Variants in MATN2 observed in about 807,000 individuals in gnomAD.
The protein encoded by MATN2 is matrilin 2, also known as matrilin-2.
Under a neutral mutation model 103.2 loss-of-function variants are expected in MATN2, and 69 were observed. The observed-to-expected ratio is 0.67, with a 90% CI of 0.55 to 0.82. The LOEUF (loss-of-function observed/expected upper bound fraction) is 0.82, where lower values mean the gene tolerates loss of function less well. Ranked by LOEUF, MATN2 falls within the 40% of genes least tolerant of loss-of-function variation. The pLI, the probability that MATN2 is intolerant of heterozygous loss-of-function variation, is 0.00. For missense variants in MATN2, 1,023 were observed against 1,211.5 expected (o/e 0.84, Z 2.31); for synonymous variants, 429 against 450.2 (o/e 0.95, Z 0.60).
chr8:98,014,109 A>G (rs1813276682), intron 10 of MATN2, among the ~76,000 whole-genome samples: 1 of 152,134 alleles, frequency 6.6e-6, no homozygotes, highest in Non-Finnish European at 1.5e-5. Flanking sequence ...CTGTGTCTCA[A>G]AAAAAAGAAA....
At position 97,885,918 on chromosome 8, in the gene MATN2, C is replaced by A. The variant is rs1485251885; in HGVS notation, c.-26-2157C>A. Among the ~76,000 whole-genome samples, 7 of 152,334 alleles carry A rather than the reference C, an allele frequency of 4.6e-5. No individual in the cohort carries two copies. The East Asian group carries it at 1.3e-3, about 29-fold the overall frequency. On this transcript the variant is annotated intron_variant, in intron 1 of 18. Coordinates refer to ENST00000254898, the MANE Select transcript of MATN2 (RefSeq NM_002380.5). ...GTCCATGGTCTGTTAGGAACCAGGC[C>A]GCACAGCAGGAGGTGAGCAGTGGGC... is the stretch of plus-strand genomic sequence containing the variant.
chr8:97,923,180 GTCTC>G lies in MATN2; in HGVS notation c.143-7763_143-7760del, dbSNP rs147374494. On this transcript the variant is annotated intron_variant, in intron 2 of 18. Transcript: ENST00000254898. ...TAGCTCATTACGATCATGGCTTGCTGTCTCTCTCTCTCTGTTCTTCTCTCATCAT... is the reference window on the plus strand; with the variant it reads ...TAGCTCATTACGATCATGGCTTGCTGTCTCTCTCTGTTCTTCTCTCATCAT... Among the ~76,000 whole-genome samples, 683 of 143,286 alleles carry G rather than the reference GTCTC, an allele frequency of 4.8e-3. 4 individuals carry two copies. The highest frequency in any genetic ancestry group is 0.019 in the African/African-American group (638 of 34,034). 94.0% of individuals were successfully genotyped at this position (143,286 alleles called of 152,430 possible).
At chr8:97,956,243 TCTC>T (rs1173695427) in intron 4 of MATN2, among the ~76,000 whole-genome samples, 1 of 152,088 alleles carries the variant, frequency 6.6e-6, no homozygotes, top group Non-Finnish European at 1.5e-5. Context: ...AGTGGCGCGA[TCTC>T]AGCTCACTGC....
At chr8:97,999,897 TAA>T (rs1812723699) in intron 7 of MATN2, among the ~76,000 whole-genome samples, 1 of 151,034 alleles carries the variant, frequency 6.6e-6, no homozygotes, top group Non-Finnish European at 1.5e-5. Context: ...TTAATTTTTT[TAA>T]AGACGGAATC....
At chr8:97,892,535 T>G (rs1017680118) in intron 2 of MATN2, among the ~76,000 whole-genome samples, 1 of 152,112 alleles carries the variant, frequency 6.6e-6, no homozygotes, top group Non-Finnish European at 1.5e-5. Flanking sequence ...CAATCTGTCA[T>G]GAAATGTTTT....
At position 98,003,927 on chromosome 8, in the gene MATN2, C is replaced by T. The variant is rs112900609; in HGVS notation, c.1327+144C>T. 732 of 886,998 alleles carry T rather than the reference C, an allele frequency of 8.3e-4. 3 individuals are homozygous for T. The African/African-American group carries it at 0.01, about 12-fold the overall frequency. 54.9% of individuals were successfully genotyped at this position (886,998 alleles called of 1,614,324 possible). A position where few individuals can be genotyped will look rare whatever the true frequency, so the allele number is the denominator to read the frequency against. On this transcript the variant is annotated intron_variant, in intron 8 of 18. Transcript: ENST00000254898. ...GTGTATCCTTCCTTATCCTCAGTTT[C>T]ATCACCCATAGAATGTGACTATTAA...
At chr8:97,993,539 A>C (rs1265644753) in intron 6 of MATN2, among the ~76,000 whole-genome samples, 2 of 152,220 alleles carry the variant, frequency 1.3e-5, no homozygotes, top group Non-Finnish European at 2.9e-5. Context: ...CACAAGTAAA[A>C]TTTCATTATG....
intron 3 of MATN2, among the ~76,000 whole-genome samples, chr8:97,932,101 T>A (rs562215773): frequency 6.6e-6 from 1 of 152,266 alleles, no homozygotes; most frequent in East Asian, 1.9e-4. Flanking sequence ...CCCAGGACCT[T>A]ATCTAGGCCT....
chr8:97,885,265 G>T (rs984042491), intron 1 of MATN2, among the ~76,000 whole-genome samples: 3 of 152,182 alleles, frequency 2.0e-5, no homozygotes, highest in African/African-American at 7.2e-5. Context: ...GGAGAAAGGG[G>T]AATAGCAATA....
intron 6 of MATN2, among the ~76,000 whole-genome samples, chr8:97,985,952 A>T (rs1171809533): frequency 6.6e-5 from 10 of 152,170 alleles, no homozygotes; most frequent in Admixed American, 6.5e-4. Flanking sequence ...TATAGAGTTG[A>T]GATCATGCAG....
intron 2 of MATN2, among the ~76,000 whole-genome samples, chr8:97,903,476 T>C (rs1445029651): frequency 1.3e-5 from 2 of 152,230 alleles, no homozygotes; most frequent in Non-Finnish European, 2.9e-5. Flanking sequence ...TGTTTTTGTC[T>C]GCACATGATA....
intron 7 of MATN2, among the ~76,000 whole-genome samples, chr8:97,996,812 G>A (rs1252418672): frequency 6.6e-6 from 1 of 152,176 alleles, no homozygotes; most frequent in Non-Finnish European, 1.5e-5. Flanking sequence ...AGAAGCCTGA[G>A]GTCTCTTGAG....
At position 97,964,352 on chromosome 8, in the gene MATN2, C is replaced by G. The variant is rs544386091; in HGVS notation, c.958+2822C>G. Among the ~76,000 whole-genome samples, 74 of 152,210 alleles carry G rather than the reference C, an allele frequency of 4.9e-4. 1 individual carries two copies. The South Asian group carries it at 0.015, about 30-fold the overall frequency. On this transcript the variant is annotated intron_variant, in intron 5 of 18. Transcript: ENST00000254898. Reference sequence around the variant, plus strand: ...CTCCATTAGTAGCTGATCTGGGGTGCCCTGTGTGTAGATGGCCAGGGAACA... The same window carrying G: ...CTCCATTAGTAGCTGATCTGGGGTGGCCTGTGTGTAGATGGCCAGGGAACA...
chr8:97,928,017 A>G (rs558264155), intron 2 of MATN2, among the ~76,000 whole-genome samples: 42 of 152,140 alleles, frequency 2.8e-4, no homozygotes, highest in African/African-American at 9.2e-4. Context: ...GGTAAAGATT[A>G]TTGGGTCACA....
chr8:97,891,245 C>G (rs1396933501), intron 2 of MATN2, among the ~76,000 whole-genome samples: 1 of 152,260 alleles, frequency 6.6e-6, no homozygotes, highest in East Asian at 1.9e-4. Flanking sequence ...TAGCTCAACT[C>G]TGCCTGCTGA....
chr8:97,946,371 A>G (rs1229325781), intron 4 of MATN2, among the ~76,000 whole-genome samples: 1 of 152,214 alleles, frequency 6.6e-6, no homozygotes, highest in Admixed American at 6.5e-5. Context: ...ACTGGACCTC[A>G]ACATTGTGGA....
rs71271182 is a variant in MATN2, at chr8:97,999,861, CTTT to C, written c.1205-3783_1205-3781del. On this transcript the variant is annotated intron_variant, in intron 7 of 18. Transcript: ENST00000254898. ...CACCTGGGAGGGCACGTCACGGATT[CTTT>C]TTTTTTTTTTTTTTTTAATTTTTTA... 3.4e-3 allele frequency among the ~76,000 whole-genome samples: 472 copies of C among 138,400 alleles called. 1 individual carries two copies. Among genetic ancestry groups the C allele is most frequent in the South Asian group, 0.011 (47 of 4,210 alleles). The allele number at this position is 138,400 out of a possible 152,430, so 90.8% of individuals were successfully genotyped here.
At chr8:97,907,565 A>G (rs894010301) in intron 2 of MATN2, among the ~76,000 whole-genome samples, 7 of 142,548 alleles carry the variant, frequency 4.9e-5, no homozygotes, top group Non-Finnish European at 7.6e-5. Context: ...CTCGTGATCC[A>G]CCCGCCTCGG....
At chr8:97,933,055 A>G (rs982091172) in intron 3 of MATN2, among the ~76,000 whole-genome samples, 2 of 152,208 alleles carry the variant, frequency 1.3e-5, no homozygotes, top group African/African-American at 4.8e-5. Context: ...TGTGTATTAA[A>G]CAAAATCCCC....
Sources: allele counts gnomAD v4.1 joint callset (sites outside exome capture counted in the v4.1 genomes callset), GRCh38; gene constraint gnomAD v4.1.1; transcripts MANE v1.5; gene names NCBI Gene and HGNC (gene_info 2026-07-23, HGNC 2026-07-21).